The following TENM3 variants were observed in gnomAD, a reference collection of about 807,000 sequenced individuals.
TENM3 encodes the protein teneurin-3.
In TENM3, 63 loss-of-function variants were observed where a neutral mutation model predicts 255.1. The ratio of observed to expected loss-of-function variants is 0.25; its 90% CI spans 0.20 to 0.30. TENM3 has a LOEUF of 0.30. TENM3 is among the 10% of genes least tolerant of loss of function. The pLI, the probability that TENM3 is intolerant of heterozygous loss-of-function variation, is 1.00. For synonymous variants in TENM3, 1,306 were observed against 1,322.3 expected, an observed-to-expected ratio of 0.99 and a Z score of 0.27; for missense variants, 2,929 against 3,461.1, an observed-to-expected ratio of 0.85 and a Z score of 3.86.
chr4:182,165,097 T>C (rs1208215324), intron 1 of TENM3, among the ~76,000 whole-genome samples: 1 of 152,204 alleles, frequency 6.6e-6, no homozygotes, highest in African/African-American at 2.4e-5. Context: ...CTAGTGTTTG[T>C]AAGGCACAGT....
At chr4:182,663,445 A>G (rs1238530422) in intron 6 of TENM3, among the ~76,000 whole-genome samples, 2 of 152,230 alleles carry the variant, frequency 1.3e-5, no homozygotes, top group East Asian at 1.9e-4. Context: ...TTTGAAACAC[A>G]AAAAGTGAAA....
At chr4:182,512,310 C>G (rs1186685166) in intron 3 of TENM3, among the ~76,000 whole-genome samples, 2 of 152,118 alleles carry the variant, frequency 1.3e-5, no homozygotes, top group Non-Finnish European at 2.9e-5. Context: ...AAGCAAAGGA[C>G]CTCAGGGACC....
chr4:182,335,216 C>T (rs963665247), intron 2 of TENM3, among the ~76,000 whole-genome samples: 13 of 128,920 alleles, frequency 1.0e-4, no homozygotes, highest in Non-Finnish European at 1.7e-4. Flanking sequence ...GAAGACAAAG[C>T]GGCCGGGCGC....
At chr4:182,529,183 G>A (rs1739528602) in intron 3 of TENM3, among the ~76,000 whole-genome samples, 1 of 152,064 alleles carries the variant, frequency 6.6e-6, no homozygotes, top group Non-Finnish European at 1.5e-5. Flanking sequence ...TTATATACTG[G>A]GCTAGTGCCA....
At chr4:182,092,828 G>A in the TENM3 span, among the ~76,000 whole-genome samples, 1 of 152,106 alleles carries the variant, frequency 6.6e-6, no homozygotes, top group Non-Finnish European at 1.5e-5. Flanking sequence ...TAAGGTTAAG[G>A]TAGAAATCCT....
the TENM3 span, among the ~76,000 whole-genome samples, chr4:182,025,020 A>ATTTT: frequency 5.0e-5 from 6 of 121,146 alleles, no homozygotes; most frequent in African/African-American, 1.3e-4. Context: ...ACAGGATTTC[A>ATTTT]TTTTTTTTTT....
the TENM3 span, among the ~76,000 whole-genome samples, chr4:181,911,899 C>A: frequency 5.3e-5 from 8 of 152,080 alleles, no homozygotes; most frequent in African/African-American, 1.7e-4. Flanking sequence ...ATATCAGTGG[C>A]TTAGAAATCA....
chr4:181,588,089 T>G, the TENM3 span, among the ~76,000 whole-genome samples: 2 of 152,064 alleles, frequency 1.3e-5, no homozygotes, highest in Admixed American at 6.6e-5. Context: ...GGCATGCGCT[T>G]TTTAGAGGAG....
At chr4:182,091,216 A>G in the TENM3 span, among the ~76,000 whole-genome samples, 1 of 152,236 alleles carries the variant, frequency 6.6e-6, no homozygotes, top group African/African-American at 2.4e-5. Context: ...AAAGCACAGC[A>G]GGCCAATTTG....
rs1355326077 is a variant in TENM3, at chr4:182,688,150, T to C, written c.2036-16T>C. On this transcript the variant is annotated splice_polypyrimidine_tract_variant and intron_variant, in intron 11 of 27. Coordinates refer to ENST00000511685, the MANE Select transcript of TENM3 (RefSeq NM_001080477.4). ...CACTCTTCTCTCCTGTTTTGTGTCC[T>C]CTTCCTCCCACATAGAAATATGTTC... The C allele has an allele frequency of 7.6e-6, 12 of 1,575,364 alleles. No individual in the cohort carries two copies. Among genetic ancestry groups the C allele is most frequent in the Non-Finnish European group, 1.0e-5 (12 of 1,156,250 alleles).
At chr4:181,862,099 G>A in the TENM3 span, among the ~76,000 whole-genome samples, 1 of 152,022 alleles carries the variant, frequency 6.6e-6, no homozygotes, top group East Asian at 1.9e-4. Flanking sequence ...TGTAGATACT[G>A]TCATTATTTG....
At chr4:182,711,576 T>C (rs913314155) in intron 12 of TENM3, 14 of 982,348 alleles carry the variant, frequency 1.4e-5, no homozygotes, top group Non-Finnish European at 1.7e-5. Context: ...TTTCCCAAGC[T>C]CACTATTTGG....
the TENM3 span, among the ~76,000 whole-genome samples, chr4:182,084,414 G>A: frequency 9.9e-4 from 151 of 152,254 alleles, no homozygotes; most frequent in African/African-American, 3.5e-3. Context: ...CTTCAGATTG[G>A]ATTTTTAGAG....
chr4:181,880,606 T>C, the TENM3 span, among the ~76,000 whole-genome samples: 3 of 152,194 alleles, frequency 2.0e-5, no homozygotes, highest in Non-Finnish European at 4.4e-5. Flanking sequence ...AATATGGTGA[T>C]AGTGACAAGT....
chr4:181,798,016 T>C, the TENM3 span, among the ~76,000 whole-genome samples: 6 of 152,204 alleles, frequency 3.9e-5, no homozygotes, highest in Non-Finnish European at 7.3e-5. Context: ...CTATCTTTTA[T>C]CATTATTTAT....
the TENM3 span, among the ~76,000 whole-genome samples, chr4:181,528,193 C>G: frequency 6.6e-6 from 1 of 151,830 alleles, no homozygotes; most frequent in South Asian, 2.1e-4. Context: ...GTATATTGGA[C>G]GTTTACTTTT....
the TENM3 span, among the ~76,000 whole-genome samples, chr4:181,891,159 T>C: frequency 6.6e-6 from 1 of 152,208 alleles, no homozygotes; most frequent in Non-Finnish European, 1.5e-5. Context: ...GAAATTTCAA[T>C]ACAACGTTGC....
chr4:181,499,368 G>A, the TENM3 span, among the ~76,000 whole-genome samples: 3 of 152,178 alleles, frequency 2.0e-5, no homozygotes, highest in African/African-American at 4.8e-5. Flanking sequence ...CCTATTTTCA[G>A]TCAATGATAG....
chr4:182,064,231 G>C, the TENM3 span, among the ~76,000 whole-genome samples: 2 of 151,128 alleles, frequency 1.3e-5, no homozygotes, highest in Non-Finnish European at 3.0e-5. Flanking sequence ...ACTTCACATA[G>C]AGAAGTCATG....
Sources: allele counts gnomAD v4.1 joint callset (sites outside exome capture counted in the v4.1 genomes callset), GRCh38; gene constraint gnomAD v4.1.1; transcripts MANE v1.5; gene names NCBI Gene and HGNC (gene_info 2026-07-23, HGNC 2026-07-21).